NRXN1: variants seen among roughly 807,000 people sequenced by gnomAD.
The protein encoded by NRXN1 is neurexin 1, also known as neurexin-1.
Under a neutral mutation model 150.9 loss-of-function variants are expected in NRXN1, and 39 were observed. The ratio of observed to expected loss-of-function variants is 0.26; its 90% CI spans 0.20 to 0.34. NRXN1 has a LOEUF of 0.34. NRXN1 is among the 10% of genes least tolerant of loss of function. The pLI is 1.00. For missense variants in NRXN1, 1,815 were observed against 1,949.9 expected, an observed-to-expected ratio of 0.93 and a Z score of 1.30; for synonymous variants, 924 against 757.0, an observed-to-expected ratio of 1.22 and a Z score of -3.62.
intron 15 of NRXN1, among the ~76,000 whole-genome samples, chr2:50,493,357 A>G (rs184056004): frequency 6.6e-6 from 1 of 152,216 alleles, no homozygotes; most frequent in Admixed American, 6.5e-5. Context: ...CTCAAACATT[A>G]CTGCTGCAAA....
intron 8 of NRXN1, among the ~76,000 whole-genome samples, chr2:50,572,502 A>G (rs960972089): frequency 6.6e-6 from 1 of 152,234 alleles, no homozygotes; most frequent in Non-Finnish European, 1.5e-5. Flanking sequence ...TAACAATAAT[A>G]GCCATCACTG....
At chr2:50,458,211 T>C (rs4971559) in intron 17 of NRXN1, among the ~76,000 whole-genome samples, 2,175 of 152,162 alleles carry the variant, frequency 0.014, 128 homozygotes, top group East Asian at 0.13. Context: ...TTCTCACTCA[T>C]ATGTGCGAGC....
intron 17 of NRXN1, chr2:50,432,163 T>G (rs2085024302): frequency 6.6e-6 from 1 of 152,194 alleles, no homozygotes; most frequent in Non-Finnish European, 1.5e-5. Context: ...TCCCTGGAGC[T>G]CCACATCATT....
chr2:50,025,093 T>G (rs949561235), intron 21 of NRXN1, among the ~76,000 whole-genome samples: 9 of 152,210 alleles, frequency 5.9e-5, no homozygotes, highest in African/African-American at 2.2e-4. Flanking sequence ...AAGACACAGG[T>G]TAAATTCTGA....
At chr2:50,639,854 T>C (rs1485840524) in intron 5 of NRXN1, among the ~76,000 whole-genome samples, 1 of 152,194 alleles carries the variant, frequency 6.6e-6, no homozygotes, top group African/African-American at 2.4e-5. Flanking sequence ...TTTCTTTTCA[T>C]ATGTATTATT....
intron 17 of NRXN1, among the ~76,000 whole-genome samples, chr2:50,252,982 A>G (rs946837470): frequency 6.6e-6 from 1 of 152,152 alleles, no homozygotes; most frequent in East Asian, 1.9e-4. Context: ...ATAGTATTTA[A>G]ACTATAAATT....
chr2:50,407,936 T>G (rs2082871201), intron 17 of NRXN1, among the ~76,000 whole-genome samples: 1 of 152,216 alleles, frequency 6.6e-6, no homozygotes, highest in Non-Finnish European at 1.5e-5. Context: ...CTTCATCGTC[T>G]TCTCACTCAT....
chr2:50,068,882 G>C (rs1695776009), intron 19 of NRXN1, among the ~76,000 whole-genome samples: 1 of 152,168 alleles, frequency 6.6e-6, no homozygotes, highest in South Asian at 2.1e-4. Flanking sequence ...GCCTTATTAT[G>C]AGTGATATCC....
At chr2:49,966,928 A>G (rs1404720607) in intron 21 of NRXN1, among the ~76,000 whole-genome samples, 3 of 152,158 alleles carry the variant, frequency 2.0e-5, no homozygotes, top group Non-Finnish European at 4.4e-5. Flanking sequence ...GGTACAAACA[A>G]AGAACTGCTT....
At chr2:50,819,128 C>G (rs1047951310) in intron 5 of NRXN1, among the ~76,000 whole-genome samples, 1 of 152,004 alleles carries the variant, frequency 6.6e-6, no homozygotes, top group African/African-American at 2.4e-5. Context: ...GTTCCTCAAA[C>G]AATTAAAAAT....
chr2:49,930,046 T>C lies in NRXN1; in HGVS notation c.4217-7795A>G, dbSNP rs140843971. ...TATGATAAAAATGAGTAGAGAGTCGTCAAGTGAAAGTGGGTAGAGAAGTCT... is the reference window on the plus strand; with the variant it reads ...TATGATAAAAATGAGTAGAGAGTCGCCAAGTGAAAGTGGGTAGAGAAGTCT... On this transcript the variant is annotated intron_variant, in intron 22 of 22. Transcript: ENST00000401669. 2.0e-4 allele frequency among the ~76,000 whole-genome samples: 30 copies of C among 152,292 alleles called. 1 individual carries two copies. In the East Asian group the frequency reaches 2.3e-3, roughly 12 times the overall value.
chr2:50,814,550 A>T (rs1668661912), intron 5 of NRXN1, among the ~76,000 whole-genome samples: 1 of 152,136 alleles, frequency 6.6e-6, no homozygotes, highest in Non-Finnish European at 1.5e-5. Context: ...AATTTCTGGG[A>T]GTATATCATA....
chr2:50,520,015 G>T (rs1427958696), intron 12 of NRXN1, among the ~76,000 whole-genome samples: 1 of 151,824 alleles, frequency 6.6e-6, no homozygotes, highest in Non-Finnish European at 1.5e-5. Context: ...AGAACGGGGT[G>T]CAAAACATTC....
chr2:50,551,053 A>AGAGGAAGAGGAAGAG (rs1321595040), intron 9 of NRXN1, among the ~76,000 whole-genome samples: 8 of 120,446 alleles, frequency 6.6e-5, no homozygotes, highest in African/African-American at 2.7e-4. Context: ...AGGAAGAGGA[A>AGAGGAAGAGGAAGAG]GAAGAAGAAG....
chr2:50,609,774 C>G (rs1169128739), intron 8 of NRXN1, among the ~76,000 whole-genome samples: 1 of 152,050 alleles, frequency 6.6e-6, no homozygotes, highest in Non-Finnish European at 1.5e-5. Context: ...AAGGGCAATT[C>G]ACTTACTATG....
chr2:50,116,612 A>T (rs1311989148), intron 18 of NRXN1, among the ~76,000 whole-genome samples: 1 of 152,076 alleles, frequency 6.6e-6, no homozygotes, highest in Non-Finnish European at 1.5e-5. Flanking sequence ...ATCTGAACAT[A>T]TACAGATGTG....
At chr2:50,463,759 T>C (rs2088505424) in intron 17 of NRXN1, among the ~76,000 whole-genome samples, 1 of 151,756 alleles carries the variant, frequency 6.6e-6, no homozygotes, top group Non-Finnish European at 1.5e-5. Flanking sequence ...CACAACCAAA[T>C]GGCAACTGTA....
At chr2:50,843,982 A>C (rs1370090884) in intron 5 of NRXN1, among the ~76,000 whole-genome samples, 2 of 151,554 alleles carry the variant, frequency 1.3e-5, no homozygotes. Context: ...TTCTGCCTTT[A>C]CTCTTCTGAG....
chr2:50,463,953 T>A (rs964093669), intron 17 of NRXN1: 1 of 151,636 alleles, frequency 6.6e-6, no homozygotes, highest in African/African-American at 2.4e-5. Context: ...GTCTTCTGAT[T>A]GTCCTTGAAA....
Sources: gnomAD v4.1 joint callset for allele counts (sites outside exome capture counted in the v4.1 genomes callset) on GRCh38, gnomAD v4.1.1 for gene constraint, MANE v1.5 for transcripts, NCBI Gene and HGNC (gene_info 2026-07-23, HGNC 2026-07-21) for gene names.